KCNIP4: variants seen among roughly 807,000 people sequenced by gnomAD.
KCNIP4 encodes the protein potassium voltage-gated channel interacting protein 4, also known as Kv channel-interacting protein 4.
KCNIP4 carries 12 observed loss-of-function variants against 34.0 expected under a neutral mutation model. That is an observed-to-expected ratio of 0.35 (90% CI 0.23 to 0.57). The LOEUF is 0.57. Among genes scored for constraint, KCNIP4 ranks in the 20% least tolerant of loss-of-function variants. KCNIP4 has a pLI of 0.83. For synonymous variants in KCNIP4, 124 were observed against 102.2 expected, an observed-to-expected ratio of 1.21 and a Z score of -1.29; for missense variants, 238 against 311.7, an observed-to-expected ratio of 0.76 and a Z score of 1.78.
chr4:20,866,425 G>C lies in KCNIP4; in HGVS notation c.164-15758C>G, dbSNP rs530119694. On this transcript the variant is annotated intron_variant, in intron 2 of 8. Coordinates refer to ENST00000382152, the MANE Select transcript of KCNIP4 (RefSeq NM_025221.6). ...CTGGAACATTATGATCATCTCTATA[G>C]ACACAGAAAAAGCTTTCAGTAACAC... Among the ~76,000 whole-genome samples, 5 of 152,132 alleles carry C rather than the reference G, an allele frequency of 3.3e-5. No homozygotes were observed. The South Asian group carries it at 1.0e-3, about 32-fold the overall frequency.
intron 1 of KCNIP4, among the ~76,000 whole-genome samples, chr4:21,089,524 G>T (rs78449721): frequency 6.6e-6 from 1 of 152,218 alleles, no homozygotes; most frequent in East Asian, 1.9e-4. Context: ...CAATGGTAAC[G>T]TGTCATTATT....
intron 1 of KCNIP4, among the ~76,000 whole-genome samples, chr4:21,746,660 C>A (rs1164526858): frequency 6.6e-6 from 1 of 151,832 alleles, no homozygotes; most frequent in Admixed American, 6.6e-5. Flanking sequence ...AAAATATTAT[C>A]TGAGTCTTAT....
At chr4:21,122,159 A>G (rs969349753) in intron 1 of KCNIP4, among the ~76,000 whole-genome samples, 2 of 150,374 alleles carry the variant, frequency 1.3e-5, no homozygotes, top group East Asian at 2.0e-4. Context: ...AAGTGGGGCT[A>G]ATTTTGCAGA....
chr4:21,268,457 G>A (rs4697216), intron 1 of KCNIP4, among the ~76,000 whole-genome samples: 66,786 of 151,966 alleles, frequency 0.44, 15,369 homozygotes, highest in South Asian at 0.57. Context: ...TTTAACACCA[G>A]TACCACTGTT....
intron 1 of KCNIP4, among the ~76,000 whole-genome samples, chr4:21,287,281 A>G (rs2109191441): frequency 6.6e-6 from 1 of 152,350 alleles, no homozygotes; most frequent in South Asian, 2.1e-4. Flanking sequence ...TATCATTTAC[A>G]TGAATAAAGA....
intron 1 of KCNIP4, among the ~76,000 whole-genome samples, chr4:21,876,757 A>G (rs543576970): frequency 2.6e-4 from 40 of 152,196 alleles, no homozygotes; most frequent in Admixed American, 2.6e-3. Context: ...ATTTCATCAT[A>G]AAAAAGTGAG....
chr4:21,061,575 A>G (rs1743920177), intron 1 of KCNIP4, among the ~76,000 whole-genome samples: 2 of 152,156 alleles, frequency 1.3e-5, no homozygotes, highest in Non-Finnish European at 2.9e-5. Flanking sequence ...ATGATCTTAC[A>G]TAACAGAGGC....
intron 1 of KCNIP4, among the ~76,000 whole-genome samples, chr4:21,630,382 C>T (rs1166026527): frequency 6.6e-6 from 1 of 151,726 alleles, no homozygotes; most frequent in East Asian, 2.0e-4. Context: ...TCGCTTGGAC[C>T]TGGAAGGTGG....
chr4:21,519,449 T>C lies in KCNIP4; in HGVS notation c.61+429122A>G, dbSNP rs201457321. On this transcript the variant is annotated intron_variant, in intron 1 of 8. Coordinates refer to ENST00000382152, the MANE Select transcript of KCNIP4 (RefSeq NM_025221.6). ...ACACATATGTGTGTATATGTATGTG[T>C]ATATACACATATGTGTGTATGTGTA... Among the ~76,000 whole-genome samples the C allele has an allele frequency of 3.3e-3, 130 of 39,710 alleles. 2 individuals are homozygous for C. Among genetic ancestry groups the C allele is most frequent in the East Asian group, 0.013 (19 of 1,464 alleles). The allele number at this position is 39,710 out of a possible 152,430, so 26.1% of individuals were successfully genotyped here. A position where few individuals can be genotyped will look rare whatever the true frequency, so the allele number is the denominator to read the frequency against.
intron 1 of KCNIP4, among the ~76,000 whole-genome samples, chr4:21,619,839 TA>T (rs1744885002): frequency 6.6e-6 from 1 of 152,190 alleles, no homozygotes; most frequent in Admixed American, 6.5e-5. Context: ...ACTCAGATAT[TA>T]AAAATCATAA....
intron 1 of KCNIP4, among the ~76,000 whole-genome samples, chr4:21,153,182 T>C (rs921127336): frequency 6.6e-6 from 1 of 152,148 alleles, no homozygotes; most frequent in Admixed American, 6.5e-5. Context: ...AAAGGGTAAA[T>C]ACATCTATAA....
intron 3 of KCNIP4, among the ~76,000 whole-genome samples, chr4:20,805,292 T>A (rs530539608): frequency 6.9e-6 from 1 of 145,696 alleles, no homozygotes; most frequent in Non-Finnish European, 1.5e-5. Context: ...CACCTGGGAT[T>A]CCCAAAGTGC....
intron 1 of KCNIP4, among the ~76,000 whole-genome samples, chr4:20,890,899 C>T (rs1394261312): frequency 6.6e-6 from 1 of 152,084 alleles, no homozygotes; most frequent in Non-Finnish European, 1.5e-5. Context: ...TCATGCAGAC[C>T]TCAGTGGTGG....
chr4:21,021,559 T>C (rs1740038910), intron 1 of KCNIP4, among the ~76,000 whole-genome samples: 1 of 152,166 alleles, frequency 6.6e-6, no homozygotes, highest in Admixed American at 6.5e-5. Context: ...AAATTTTTTC[T>C]ATTAATTATT....
chr4:20,885,135 C>A (rs1725149512), intron 1 of KCNIP4, among the ~76,000 whole-genome samples: 1 of 151,146 alleles, frequency 6.6e-6, no homozygotes, highest in African/African-American at 2.4e-5. Flanking sequence ...AGAAATTTAG[C>A]TTATAGTTTA....
chr4:21,437,206 T>C (rs1182599151), intron 1 of KCNIP4, among the ~76,000 whole-genome samples: 2 of 152,222 alleles, frequency 1.3e-5, no homozygotes, highest in Non-Finnish European at 2.9e-5. Flanking sequence ...ACTGTTTCAC[T>C]ATGCCTCTCT....
At chr4:21,816,353 CTATAA>C (rs1721989336) in intron 1 of KCNIP4, among the ~76,000 whole-genome samples, 1 of 151,986 alleles carries the variant, frequency 6.6e-6, no homozygotes, top group Non-Finnish European at 1.5e-5. Context: ...AACAACCAAG[CTATAA>C]TATAACTCAT....
At chr4:20,805,064 G>A (rs1173903497) in intron 3 of KCNIP4, among the ~76,000 whole-genome samples, 1 of 152,112 alleles carries the variant, frequency 6.6e-6, no homozygotes, top group Admixed American at 6.5e-5. Context: ...TGACAAGTAG[G>A]TAGTGGTAGG....
intron 1 of KCNIP4, among the ~76,000 whole-genome samples, chr4:21,131,472 T>G (rs1751068123): frequency 6.6e-6 from 1 of 152,130 alleles, no homozygotes; most frequent in African/African-American, 2.4e-5. Context: ...TAGCTGGGCA[T>G]GCTGGCGGGC....
Sources: allele counts gnomAD v4.1 joint callset (sites outside exome capture counted in the v4.1 genomes callset), GRCh38; gene constraint gnomAD v4.1.1; transcripts MANE v1.5; gene names NCBI Gene and HGNC (gene_info 2026-07-23, HGNC 2026-07-21).